The following BCO1 variants were observed in gnomAD, a reference collection of about 807,000 sequenced individuals.
The protein encoded by BCO1 is beta,beta-carotene 15,15'-dioxygenase.
A neutral mutation model predicts 56.3 loss-of-function variants in BCO1; 54 were observed. The observed-to-expected ratio is 0.96, with a 90% CI of 0.77 to 1.20. The LOEUF (loss-of-function observed/expected upper bound fraction) is 1.20, where lower values mean the gene tolerates loss of function less well. Ranked by LOEUF, BCO1 falls within the 50% of genes most tolerant of loss-of-function variation. BCO1 has a pLI of 0.00. For synonymous variants in BCO1, 318 were observed against 266.1 expected (o/e 1.20, Z -1.90); for missense variants, 801 against 690.9 (o/e 1.16, Z -1.79).
chr16:81,243,256 A>C (rs1458820755), intron 1 of BCO1, among the ~76,000 whole-genome samples: 1 of 152,118 alleles, frequency 6.6e-6, no homozygotes, highest in Non-Finnish European at 1.5e-5. Context: ...ATTGCAGAAA[A>C]TATCTGGTCC....
At chr16:81,259,140 G>A (rs1369865666) in intron 2 of BCO1, among the ~76,000 whole-genome samples, 9 of 152,144 alleles carry the variant, frequency 5.9e-5, no homozygotes, top group South Asian at 2.1e-4. Context: ...CATTCAAACC[G>A]TAACACATAC....
chr16:81,259,862 T>C, intron 3 of BCO1, 57 bp downstream of exon 3: 1 of 1,602,972 alleles, frequency 6.2e-7, no homozygotes, highest in Non-Finnish European at 8.5e-7. Context: ...CCTTGATGGC[T>C]GAAATAACCA....
At chr16:81,266,194 GT>G (rs1356489204) in intron 5 of BCO1, among the ~76,000 whole-genome samples, 2 of 152,212 alleles carry the variant, frequency 1.3e-5, no homozygotes. Context: ...TCCCTGCCCT[GT>G]TCTCCAGGCC....
At chr16:81,246,935 A>C (rs1567698498) in intron 2 of BCO1, among the ~76,000 whole-genome samples, 1 of 151,966 alleles carries the variant, frequency 6.6e-6, no homozygotes, top group Non-Finnish European at 1.5e-5. Context: ...GAGCCAGACC[A>C]CTTACACAAT....
intron 2 of BCO1, among the ~76,000 whole-genome samples, chr16:81,255,643 AC>A (rs1425468921): frequency 6.6e-6 from 1 of 151,262 alleles, no homozygotes; most frequent in Non-Finnish European, 1.5e-5. Context: ...GGTAGCTGGG[AC>A]TACAGGTGCC....
At chr16:81,258,226 C>A (rs189629020) in intron 2 of BCO1, among the ~76,000 whole-genome samples, 38 of 152,216 alleles carry the variant, frequency 2.5e-4, no homozygotes, top group African/African-American at 8.9e-4. Flanking sequence ...TTGTGTGAAG[C>A]CACTAAGTGA....
Position 81,280,897 on chromosome 16 carries a change from C to G in BCO1, c.1142C>G (p.Thr381Arg), listed in dbSNP as rs888549373. Reference protein sequence around the residue: ...VGTNLIKVASTTATALKEEDG... With the variant: ...VGTNLIKVASRTATALKEEDG... ...ACAAATTTAATCAAAGTGGCATCTA[C>G]AACAGCCACGGCCCTGAAGGAAGAA... Residue 381 changes from threonine to arginine, a missense_variant, in exon 8 of 11, where the codon ACA becomes AGA. By Grantham distance (71) the Thr-to-Arg change is moderately conservative (BLOSUM62 -1). Transcript: ENST00000258168. 103 of 1,613,960 alleles carry G rather than the reference C, an allele frequency of 6.4e-5. No homozygotes were observed. Among genetic ancestry groups the G allele is most frequent in the Non-Finnish European group, 8.3e-5 (98 of 1,179,972 alleles).
chr16:81,256,359 A>G (rs1041514810), intron 2 of BCO1, among the ~76,000 whole-genome samples: 1 of 152,064 alleles, frequency 6.6e-6, no homozygotes, highest in Non-Finnish European at 1.5e-5. Context: ...TCAACATATG[A>G]TGGGCGTTTC....
intron 2 of BCO1, among the ~76,000 whole-genome samples, chr16:81,255,493 AT>A (rs59941695): frequency 0.021 from 3,152 of 151,098 alleles, 131 homozygotes; most frequent in African/African-American, 0.074. Context: ...ACATTATGTT[AT>A]TTTTTTTTAT....
intron 7 of BCO1, among the ~76,000 whole-genome samples, chr16:81,275,806 T>C (rs1907518667): frequency 1.3e-5 from 2 of 152,224 alleles, no homozygotes; most frequent in Admixed American, 1.3e-4. Flanking sequence ...TTCTCTTGCT[T>C]TGGGACCAGC....
rs1487054115 is a variant in BCO1 at position 81,290,446 on chromosome 16, G to A, written c.1513G>A (p.Val505Ile). The A allele has an allele frequency of 6.2e-7, 1 of 1,614,202 alleles. No individual in the cohort carries two copies. The highest frequency in any genetic ancestry group is 8.5e-7 in the Non-Finnish European group (1 of 1,180,042). Reference sequence around the variant, plus strand: ...CTTTACGGAATTGGCCCGTGCCTCTGTTGATGTCGATATGCACATGGATCT... The same window carrying A: ...CTTTACGGAATTGGCCCGTGCCTCTATTGATGTCGATATGCACATGGATCT... Reference protein sequence around the residue: ...KSFTELARASVDVDMHMDLHG... With the variant: ...KSFTELARASIDVDMHMDLHG... The change falls in exon 11 of 11, where the codon GTT becomes ATT. Residue 505 changes from valine to isoleucine, a missense_variant. Physicochemically the swap from Val to Ile is conservative, Grantham distance 29 (BLOSUM62 3). Transcript: ENST00000258168.
At chr16:81,245,454 A>G in intron 1 of BCO1, 21 bp from the exon 2 acceptor site, 1 of 1,614,198 alleles carries the variant, frequency 6.2e-7, no homozygotes, top group South Asian at 1.1e-5. Flanking sequence ...ACGGGAAACT[A>G]AACATTCTCT....
chr16:81,278,775 C>T (rs1229299351), intron 7 of BCO1, among the ~76,000 whole-genome samples: 1 of 152,160 alleles, frequency 6.6e-6, no homozygotes, highest in Non-Finnish European at 1.5e-5. Flanking sequence ...AGAATCAATG[C>T]AAAGGCCCCA....
intron 1 of BCO1, 23 bp from the exon 2 acceptor site, chr16:81,245,452 C>CGGG (rs779113364): frequency 4.3e-6 from 7 of 1,614,072 alleles, no homozygotes; most frequent in Non-Finnish European, 5.9e-6. Flanking sequence ...AAACGGGAAA[C>CGGG]TAAACATTCT....
chr16:81,267,913 A>G lies in BCO1; in HGVS notation c.625A>G (p.Lys209Glu), dbSNP rs370084672. 1.9e-6 allele frequency: 3 copies of G among 1,613,688 alleles called. No individual in the cohort carries two copies. The highest frequency in any genetic ancestry group is 2.7e-5 in the African/African-American group (2 of 74,870). The change falls in exon 6 of 11, where the codon AAG (lysine) becomes GAG (glutamate). Residue 209 changes from lysine (K) to glutamate (E), a missense_variant. Lys to Glu is a moderately conservative substitution (Grantham distance 56, BLOSUM62 1). Transcript: ENST00000258168. Reference sequence around the variant, plus strand: ...CTTGCTTTTTGTCTTGCTAGAGGGCAAGAAGCAGGGGAAGAGCCCCTGGAA... The same window carrying G: ...CTTGCTTTTTGTCTTGCTAGAGGGCGAGAAGCAGGGGAAGAGCCCCTGGAA... ...FKIPATVPEGKKQGKSPWKHT... is the reference protein window; with the variant it reads ...FKIPATVPEGEKQGKSPWKHT...
chr16:81,283,336 T>A (rs1376097444), intron 8 of BCO1, among the ~76,000 whole-genome samples: 1 of 151,752 alleles, frequency 6.6e-6, no homozygotes, highest in African/African-American at 2.4e-5. Flanking sequence ...ATGCCTGTAA[T>A]CCCAGCACTT....
At chr16:81,279,460 G>A (rs1907742024) in intron 7 of BCO1, among the ~76,000 whole-genome samples, 2 of 152,104 alleles carry the variant, frequency 1.3e-5, no homozygotes, top group South Asian at 4.1e-4. Flanking sequence ...GTAGTAGTAT[G>A]GTAATAATAG....
chr16:81,238,765 A>C lies in BCO1; in HGVS notation c.-144A>C. 1 of 764,620 alleles carries C rather than the reference A, an allele frequency of 1.3e-6. No individual in the cohort carries two copies. The highest frequency in any genetic ancestry group is 2.3e-6 in the Non-Finnish European group (1 of 430,098). The allele number at this position is 764,620 out of a possible 1,614,324, so 47.4% of individuals were successfully genotyped here. A position where few individuals can be genotyped will look rare whatever the true frequency, so the allele number is the denominator to read the frequency against. On this transcript the variant is annotated 5_prime_UTR_variant, in exon 1 of 11. Coordinates refer to ENST00000258168, the MANE Select transcript of BCO1 (RefSeq NM_017429.3). Reference sequence around the variant, plus strand: ...CAAAAAGGAAAAAGCAAAGGCAGAAACGGCATCAGGAGAGACAGAGATGTG... The same window carrying C: ...CAAAAAGGAAAAAGCAAAGGCAGAACCGGCATCAGGAGAGACAGAGATGTG...
chr16:81,248,139 C>T (rs149288392), intron 2 of BCO1, among the ~76,000 whole-genome samples: 260 of 152,246 alleles, frequency 1.7e-3, no homozygotes, highest in African/African-American at 6.1e-3. Context: ...CGATGGCTCA[C>T]ACCTGTATTC....
Sources: gnomAD v4.1 joint callset for allele counts (sites outside exome capture counted in the v4.1 genomes callset) on GRCh38, gnomAD v4.1.1 for gene constraint, MANE v1.5 for transcripts, NCBI Gene and HGNC (gene_info 2026-07-23, HGNC 2026-07-21) for gene names.